Variants in TDRD5 observed in about 807,000 individuals in gnomAD.
The protein encoded by TDRD5 is tudor domain containing 5.
TDRD5 carries 41 observed loss-of-function variants against 120.6 expected under a neutral mutation model. That is an observed-to-expected ratio of 0.34 (90% CI 0.26 to 0.44). The LOEUF (loss-of-function observed/expected upper bound fraction) is 0.44. Ranked by LOEUF, TDRD5 falls within the 20% of genes least tolerant of loss-of-function variation. The pLI is 1.00. For synonymous variants in TDRD5, 430 were observed against 433.7 expected (o/e 0.99, Z 0.11); for missense variants, 1,006 against 1,221.2 (o/e 0.82, Z 2.63).
At chr1:179,662,340 C>T in intron 15 of TDRD5, 54 bp downstream of exon 15, 1 of 1,550,836 alleles carries the variant, frequency 6.4e-7, no homozygotes, top group Non-Finnish European at 8.7e-7. Flanking sequence ...GCGGCTCAAG[C>T]CTGTAATCCT....
At chr1:179,654,117 C>T in intron 13 of TDRD5, 84 bp from the exon 14 acceptor site, 1 of 1,196,876 alleles carries the variant, frequency 8.4e-7, no homozygotes, top group East Asian at 2.6e-5. Context: ...ATAGCAAAAA[C>T]TTCCCCCCAA....
chr1:179,658,395 AC>A (rs1044106635), intron 14 of TDRD5, among the ~76,000 whole-genome samples: 9 of 152,088 alleles, frequency 5.9e-5, no homozygotes, highest in African/African-American at 1.7e-4. Context: ...GGGCCTGGAG[AC>A]TTTTTTCCAG....
chr1:179,594,763 T>A (rs941897447), intron 3 of TDRD5, among the ~76,000 whole-genome samples: 1 of 152,246 alleles, frequency 6.6e-6, no homozygotes, highest in Non-Finnish European at 1.5e-5. Flanking sequence ...TGGTAGGTGA[T>A]GTAGTTTGAG....
chr1:179,645,376 C>T (rs778242405), intron 11 of TDRD5, among the ~76,000 whole-genome samples: 51 of 152,262 alleles, frequency 3.3e-4, no homozygotes, highest in Non-Finnish European at 3.8e-4. Flanking sequence ...TGAGCCACCG[C>T]GCCCGGCCAT....
At chr1:179,656,566 C>T (rs1336442434) in intron 14 of TDRD5, among the ~76,000 whole-genome samples, 1 of 152,148 alleles carries the variant, frequency 6.6e-6, no homozygotes, top group African/African-American at 2.4e-5. Flanking sequence ...TCCAACTGAT[C>T]CAGCATCCTT....
intron 7 of TDRD5, 132 bp from the exon 8 acceptor site, chr1:179,634,325 A>G (rs560181356): frequency 9.1e-6 from 8 of 883,058 alleles, no homozygotes; most frequent in African/African-American, 6.8e-5. Flanking sequence ...CTCATTTATC[A>G]TTGTCTTTCT....
At chr1:179,616,086 T>C (rs1344981938) in intron 4 of TDRD5, among the ~76,000 whole-genome samples, 1 of 152,102 alleles carries the variant, frequency 6.6e-6, no homozygotes, top group African/African-American at 2.4e-5. Flanking sequence ...TTTAAAAATA[T>C]AACCATTCTT....
chr1:179,659,550 CGTGTGTGTGTGT>C lies in TDRD5; in HGVS notation c.2323-2524_2323-2513del, dbSNP rs71569263. 1.2e-4 allele frequency among the ~76,000 whole-genome samples: 15 copies of C among 129,884 alleles called. No individual in the cohort carries two copies. In the East Asian group the frequency reaches 1.2e-3, roughly 10 times the overall value. The allele number at this position is 129,884 out of a possible 152,430, so 85.2% of individuals were successfully genotyped here. ...ATATCAGTATAGCCATTCCAGTTTT[CGTGTGTGTGTGT>C]GTGTGTGTGTGTGTGTGTGTGTGTG... On this transcript the variant is annotated intron_variant, in intron 14 of 17. Coordinates refer to ENST00000444136, the MANE Select transcript of TDRD5 (RefSeq NM_001199085.3).
Position 179,650,878 on chromosome 1 carries a change from A to T in TDRD5, c.1812A>T (p.Thr604=). Residue 604 remains threonine, a synonymous_variant, in exon 12 of 18, where the codon ACA becomes ACT. Coordinates refer to ENST00000444136, the MANE Select transcript of TDRD5 (RefSeq NM_001199085.3). ...TGATCATATTTCAGGAACACTGGAC[A>T]TCGAAAGCTATTTTGCAGTTCCAGA... ...AWVRPVEEHW[T]SKAILQFQKL... is the part of the protein sequence containing the mutation. The T allele has an allele frequency of 6.2e-7, 1 of 1,614,142 alleles. No homozygotes were observed. Among genetic ancestry groups the T allele is most frequent in the Non-Finnish European group, 8.5e-7 (1 of 1,179,998 alleles).
intron 4 of TDRD5, 24 bp from the exon 5 acceptor site, chr1:179,618,575 G>T: frequency 1.3e-6 from 2 of 1,561,684 alleles, no homozygotes; most frequent in South Asian, 2.5e-5. Flanking sequence ...ACTGTGACTT[G>T]ACTTTTTTTT....
chr1:179,625,378 C>A (rs897224510), intron 6 of TDRD5, among the ~76,000 whole-genome samples: 1 of 152,044 alleles, frequency 6.6e-6, no homozygotes, highest in African/African-American at 2.4e-5. Flanking sequence ...ATTGAATAGG[C>A]AGACCACAGA....
chr1:179,632,951 T>C (rs11810362), intron 7 of TDRD5, among the ~76,000 whole-genome samples: 7,177 of 152,286 alleles, frequency 0.047, 263 homozygotes, highest in Non-Finnish European at 0.069. Context: ...AAGCCTATTT[T>C]ATACTAAAGT....
intron 17 of TDRD5, among the ~76,000 whole-genome samples, chr1:179,678,402 G>A (rs1481917619): frequency 6.6e-6 from 1 of 152,118 alleles, no homozygotes; most frequent in Non-Finnish European, 1.5e-5. Flanking sequence ...GGGTGATCCA[G>A]TTTCTTCAAA....
intron 6 of TDRD5, among the ~76,000 whole-genome samples, chr1:179,621,667 G>A (rs1328595): frequency 0.92 from 140,651 of 152,236 alleles, 65,714 homozygotes; most frequent in Non-Finnish European, 0.99. Context: ...GCTCTGCAAC[G>A]TGGATCATTT....
At position 179,630,831 on chromosome 1, in the gene TDRD5, G is replaced by A. The variant is rs780107876; in HGVS notation, c.1037G>A (p.Gly346Glu). ...TTCTTAAATGTGACAGAACTTGTTG[G>A]AGCTCTTAGTGACATTCTCCATGTT... ...LGFLNVTELVGALSDILHVEF... is the reference protein window; with the variant it reads ...LGFLNVTELVEALSDILHVEF... The change falls in exon 7 of 18, where the codon GGA (glycine) becomes GAA (glutamate). Residue 346 changes from glycine to glutamate, a missense_variant. Physicochemically the swap from Gly to Glu is moderately conservative, Grantham distance 98 (BLOSUM62 -2). Coordinates refer to ENST00000444136, the MANE Select transcript of TDRD5 (RefSeq NM_001199085.3). 9 of 1,613,928 alleles carry A rather than the reference G, an allele frequency of 5.6e-6. No homozygotes were observed. The highest frequency in any genetic ancestry group is 7.6e-6 in the Non-Finnish European group (9 of 1,179,990).
At chr1:179,600,610 T>C (rs1305181436) in intron 4 of TDRD5, among the ~76,000 whole-genome samples, 1 of 152,224 alleles carries the variant, frequency 6.6e-6, no homozygotes, top group Non-Finnish European at 1.5e-5. Flanking sequence ...TTGATAATTT[T>C]TTTTATTTTT....
intron 17 of TDRD5, among the ~76,000 whole-genome samples, chr1:179,690,367 A>T (rs1222292438): frequency 6.6e-6 from 1 of 152,206 alleles, no homozygotes; most frequent in Non-Finnish European, 1.5e-5. Flanking sequence ...AGAAGCACTT[A>T]TGGGCTCTTT....
chr1:179,598,247 T>G (rs1340699095), intron 4 of TDRD5, among the ~76,000 whole-genome samples: 1 of 152,218 alleles, frequency 6.6e-6, no homozygotes, highest in Non-Finnish European at 1.5e-5. Flanking sequence ...ATCATACAGG[T>G]GGTCTATTGT....
At chr1:179,645,733 A>G (rs1678322549) in intron 11 of TDRD5, among the ~76,000 whole-genome samples, 1 of 152,032 alleles carries the variant, frequency 6.6e-6, no homozygotes, top group South Asian at 2.1e-4. Flanking sequence ...GTCAGTTTTT[A>G]TTTTGTATAC....
Sources: gnomAD v4.1 joint callset for allele counts (sites outside exome capture counted in the v4.1 genomes callset) on GRCh38, gnomAD v4.1.1 for gene constraint, MANE v1.5 for transcripts, NCBI Gene and HGNC (gene_info 2026-07-23, HGNC 2026-07-21) for gene names.